The following AXIN1 variants were observed in gnomAD, a reference collection of about 807,000 sequenced individuals.
AXIN1 encodes axin 1.
AXIN1 carries 30 observed loss-of-function variants against 76.4 expected under a neutral mutation model. That is an observed-to-expected ratio of 0.39 (90% CI 0.29 to 0.53). The LOEUF (loss-of-function observed/expected upper bound fraction) is 0.53, where lower values mean the gene tolerates loss of function less well. AXIN1 is among the 20% of genes least tolerant of loss of function. AXIN1 has a pLI of 0.66. For missense variants in AXIN1, 1,140 were observed against 1,198.8 expected (o/e 0.95, Z 0.72); for synonymous variants, 545 against 501.4 (o/e 1.09, Z -1.16).
chr16:331,263 A>C (rs183689638), intron 2 of AXIN1, among the ~76,000 whole-genome samples: 2 of 152,200 alleles, frequency 1.3e-5, no homozygotes, highest in Non-Finnish European at 1.5e-5. Flanking sequence ...AATTCTGTAC[A>C]TGAAGCACTC....
intron 2 of AXIN1, among the ~76,000 whole-genome samples, chr16:334,080 C>T (rs2053749765): frequency 6.6e-6 from 1 of 150,550 alleles, no homozygotes; most frequent in Non-Finnish European, 1.5e-5. Flanking sequence ...TACCAAGGCA[C>T]ACCACTAACA....
intron 7 of AXIN1, among the ~76,000 whole-genome samples, chr16:294,898 TA>T (rs899589590): frequency 1.3e-4 from 20 of 149,134 alleles, no homozygotes; most frequent in Non-Finnish European, 1.0e-4. Flanking sequence ...CCACCTCTAC[TA>T]AAAAAATACA....
intron 9 of AXIN1, chr16:290,768 AC>A: frequency 2.9e-6 from 1 of 350,820 alleles, no homozygotes; most frequent in Non-Finnish European, 5.6e-6. Context: ...CATGGCTGAG[AC>A]CCACACTGCA....
intron 3 of AXIN1, 43 bp from the exon 4 acceptor site, chr16:310,112 G>A (rs761401617): frequency 1.3e-6 from 2 of 1,557,916 alleles, no homozygotes; most frequent in Admixed American, 1.9e-5. Context: ...GAGAGGAGCA[G>A]GAGGGCCAGC....
chr16:305,843 C>A (rs561955102), intron 4 of AXIN1, among the ~76,000 whole-genome samples: 1,598 of 152,220 alleles, frequency 0.01, 26 homozygotes, highest in African/African-American at 0.037. Context: ...TGCACCCGGC[C>A]CCCCTATAGC....
Position 288,021 on chromosome 16 carries a change from C to G in AXIN1, c.*101G>C, listed in dbSNP as rs2052433052. On this transcript the variant is annotated 3_prime_UTR_variant, in exon 11 of 11. Coordinates refer to ENST00000262320, the MANE Select transcript of AXIN1 (RefSeq NM_003502.4). Reference sequence around the variant, plus strand: ...ACAGGGATGGGTGGTACACCCAACACTGTTCCCCATCGGGCTCCTGAGTAC... The same window carrying G: ...ACAGGGATGGGTGGTACACCCAACAGTGTTCCCCATCGGGCTCCTGAGTAC... The G allele has an allele frequency of 1.3e-6, 2 of 1,585,406 alleles. No homozygotes were observed. The highest frequency in any genetic ancestry group is 3.3e-5 in the Admixed American group (2 of 59,964).
rs2141509347 is a variant in AXIN1 at position 297,790 on chromosome 16, C to A, written c.1716G>T (p.Gly572=). 6.4e-7 allele frequency: 1 copy of A among 1,568,768 alleles called. No individual in the cohort carries two copies. The highest frequency in any genetic ancestry group is 8.6e-7 in the Non-Finnish European group (1 of 1,156,906). The change falls in exon 6 of 11, where the codon GGG becomes GGT. Residue 572 remains glycine (G), a synonymous_variant. Coordinates refer to ENST00000262320, the MANE Select transcript of AXIN1 (RefSeq NM_003502.4). Reference sequence around the variant, plus strand: ...TCTCTGAGTAGCCTCGGGACCTTGCCCCATGGCTGTGTGGTTCCAGGCCCC... The same window carrying A: ...TCTCTGAGTAGCCTCGGGACCTTGCACCATGGCTGTGTGGTTCCAGGCCCC... The part of the protein sequence containing the change: ...FAWGLEPHSH[G]ARSRGYSESV...
At chr16:291,511 A>C in intron 8 of AXIN1, 1 of 604,764 alleles carries the variant, frequency 1.7e-6, no homozygotes, top group Non-Finnish European at 3.0e-6. Flanking sequence ...CCCCACATTC[A>C]TGATCCCGGC....
chr16:346,977 T>A lies in AXIN1; in HGVS notation c.49A>T (p.Thr17Ser), dbSNP rs1463697168. The change falls in exon 2 of 11, where the codon ACC (threonine) becomes TCC (serine). Residue 17 changes from threonine to serine, a missense_variant. Physicochemically the swap from Thr to Ser is moderately conservative, Grantham distance 58 (BLOSUM62 1). Around this residue, in one of 3 missense-constraint regions of AXIN1, gnomAD observed 708 missense variants for 776.9 expected, o/e 0.91. Coordinates refer to ENST00000262320, the MANE Select transcript of AXIN1 (RefSeq NM_003502.4). The stretch of plus-strand genomic sequence containing the variant: ...ACTGGGGGTCGGGGAGCATCTTCGG[T>A]GAAACTTGCTCCGAGGTCCAAGGGG... ...GFPLDLGASF[T>S]EDAPRPPVPG... 8 of 1,614,218 alleles carry A rather than the reference T, an allele frequency of 5.0e-6. No homozygotes were observed. The highest frequency in any genetic ancestry group is 6.8e-6 in the Non-Finnish European group (8 of 1,180,032).
chr16:309,827 C>T, intron 4 of AXIN1, 146 bp downstream of exon 4: 1 of 768,046 alleles, frequency 1.3e-6, no homozygotes, highest in Admixed American at 2.0e-5. Context: ...TGGCCACTTG[C>T]AGATGTTGCT....
intron 2 of AXIN1, among the ~76,000 whole-genome samples, chr16:331,580 G>A (rs1013945125): frequency 6.6e-6 from 1 of 152,182 alleles, no homozygotes; most frequent in Admixed American, 6.5e-5. Context: ...ACCAACTCAT[G>A]AGAATCTATC....
In AXIN1 at chr16:293,942, C is replaced by T. The variant is rs555550068; in HGVS notation, c.1956-224G>A. On this transcript the variant is annotated intron_variant, in intron 7 of 10. Coordinates refer to ENST00000262320, the MANE Select transcript of AXIN1 (RefSeq NM_003502.4). The surrounding 1 kb of genome is among the most constrained non-coding windows in gnomAD (Gnocchi z 4.6). ...CCTGTAATCCCAGCATTTCGGGAGG[C>T]CGAGGCGGGCAGATCACCAGAGGTC... Among the ~76,000 whole-genome samples the T allele has an allele frequency of 5.9e-5, 9 of 152,232 alleles. No individual in the cohort carries two copies. In the South Asian group the frequency reaches 1.9e-3, roughly 32 times the overall value.
At chr16:328,952 C>T (rs938354913) in intron 2 of AXIN1, among the ~76,000 whole-genome samples, 5 of 152,082 alleles carry the variant, frequency 3.3e-5, no homozygotes, top group Non-Finnish European at 7.4e-5. Flanking sequence ...CCCCTGGGTG[C>T]TGCCACGCTG....
At chr16:351,132 C>CAAAAAAAAAAA (rs71391129) in intron 1 of AXIN1, among the ~76,000 whole-genome samples, 3 of 111,584 alleles carry the variant, frequency 2.7e-5, no homozygotes, top group African/African-American at 3.5e-5. Context: ...AACTCTGTCT[C>CAAAAAAAAAAA]AAAAAAAAAA....
chr16:310,618 C>T (rs1597035725), intron 3 of AXIN1, among the ~76,000 whole-genome samples: 1 of 152,192 alleles, frequency 6.6e-6, no homozygotes, highest in Admixed American at 6.5e-5. Context: ...AGGAGAGTCT[C>T]GATCTCCTGA....
intron 2 of AXIN1, among the ~76,000 whole-genome samples, chr16:340,545 CA>C (rs561457106): frequency 7.1e-4 from 108 of 152,354 alleles, no homozygotes; most frequent in African/African-American, 2.5e-3. Flanking sequence ...CCAGGGAGTG[CA>C]GGCCCTGGGC....
At chr16:351,104 C>A (rs571030159) in intron 1 of AXIN1, among the ~76,000 whole-genome samples, 2 of 143,356 alleles carry the variant, frequency 1.4e-5, no homozygotes, top group East Asian at 4.0e-4. Flanking sequence ...TGGACTCCAG[C>A]CTGGGCAACA....
At chr16:326,330 G>A (rs762025595) in intron 2 of AXIN1, among the ~76,000 whole-genome samples, 8 of 125,372 alleles carry the variant, frequency 6.4e-5, no homozygotes, top group East Asian at 2.3e-4. Context: ...CTCCAGCCTG[G>A]GCAACAAGAG....
chr16:289,367 A>G (rs2052486251), intron 10 of AXIN1, 73 bp downstream of exon 10: 4 of 1,590,278 alleles, frequency 2.5e-6, no homozygotes, highest in African/African-American at 1.3e-5. Flanking sequence ...GCCCGGCTGG[A>G]AACCCTCTTT....
Sources: allele counts gnomAD v4.1 joint callset (sites outside exome capture counted in the v4.1 genomes callset), GRCh38; gene constraint gnomAD v4.1.1; regional missense constraint gnomAD v4.1.1; non-coding constraint Gnocchi (gnomAD v3.1); transcripts MANE v1.5; gene names NCBI Gene and HGNC (gene_info 2026-07-23, HGNC 2026-07-21).